SCP2: variants seen among roughly 807,000 people sequenced by gnomAD.
The protein encoded by SCP2 is sterol carrier protein 2.
Under a neutral mutation model 71.4 loss-of-function variants are expected in SCP2, and 48 were observed. That is an observed-to-expected ratio of 0.67 (90% CI 0.53 to 0.86). The LOEUF is 0.86. SCP2 is among the 40% of genes least tolerant of loss of function. SCP2 has a pLI of 0.00. For missense variants in SCP2, 560 were observed against 655.6 expected (o/e 0.85, Z 1.59); for synonymous variants, 220 against 218.1 (o/e 1.01, Z -0.08).
chr1:52,967,929 C>T (rs1029116657), intron 6 of SCP2, among the ~76,000 whole-genome samples: 22 of 152,110 alleles, frequency 1.4e-4, no homozygotes, highest in African/African-American at 5.3e-4. Context: ...GTCAGTTTTC[C>T]AACATCCTGC....
intron 6 of SCP2, among the ~76,000 whole-genome samples, chr1:52,965,624 A>G (rs1357711990): frequency 6.6e-6 from 1 of 151,950 alleles, no homozygotes. Flanking sequence ...GCTTGTGTAT[A>G]CAAAGGCTAC....
Position 52,950,763 on chromosome 1 carries a change from A to G in SCP2, c.208A>G (p.Thr70Ala), listed in dbSNP as rs765103479. 2 of 1,613,486 alleles carry G rather than the reference A, an allele frequency of 1.2e-6. No homozygotes were observed. The highest frequency in any genetic ancestry group is 8.5e-7 in the Non-Finnish European group (1 of 1,179,480). ...TTTGTTTTTCTATTCAGGTGACTCT[A>G]CCTGTGGGCAGAGGGCTATCTATCA... ...ACVGYVFGDSTCGQRAIYHSL... is the reference protein window; with the variant it reads ...ACVGYVFGDSACGQRAIYHSL... Residue 70 changes from threonine (T) to alanine (A), a missense_variant, in exon 4 of 16, where the codon ACC (threonine) becomes GCC (alanine). Thr to Ala is a moderately conservative substitution (Grantham distance 58). Transcript: ENST00000371514.
chr1:53,023,398 T>C (rs574594191), intron 12 of SCP2, among the ~76,000 whole-genome samples: 15 of 152,302 alleles, frequency 9.8e-5, no homozygotes, highest in African/African-American at 3.6e-4. Context: ...ATTCAGACTT[T>C]TGACCAAGAC....
intron 11 of SCP2, among the ~76,000 whole-genome samples, chr1:52,992,952 G>A (rs929952868): frequency 1.3e-5 from 2 of 152,174 alleles, no homozygotes; most frequent in African/African-American, 4.8e-5. Context: ...GCATGTCTGT[G>A]TATATAGACA....
At chr1:53,011,796 T>C (rs1661005070) in intron 11 of SCP2, among the ~76,000 whole-genome samples, 1 of 152,230 alleles carries the variant, frequency 6.6e-6, no homozygotes, top group Non-Finnish European at 1.5e-5. Context: ...GCCCTCACCT[T>C]TCCGACATCT....
chr1:52,974,885 A>G, intron 7 of SCP2, 53 bp downstream of exon 7: 1 of 851,728 alleles, frequency 1.2e-6, no homozygotes, highest in Non-Finnish European at 2.1e-6. Flanking sequence ...CCTACTGTAT[A>G]ATATGCAACT....
chr1:53,024,335 G>C (rs1054595584), intron 12 of SCP2, among the ~76,000 whole-genome samples: 7 of 152,036 alleles, frequency 4.6e-5, no homozygotes, highest in Admixed American at 2.0e-4. Context: ...TCTTTAATGG[G>C]TAGAGTTTCA....
intron 13 of SCP2, among the ~76,000 whole-genome samples, chr1:53,036,380 A>G (rs1662954714): frequency 6.7e-6 from 1 of 150,170 alleles, no homozygotes; most frequent in Non-Finnish European, 1.5e-5. Context: ...TCATATCTAA[A>G]TATTTTTACA....
intron 10 of SCP2, among the ~76,000 whole-genome samples, chr1:52,984,425 C>T (rs1405896962): frequency 6.6e-6 from 1 of 151,904 alleles, no homozygotes; most frequent in Non-Finnish European, 1.5e-5. Context: ...CCAGTGTTTT[C>T]AGTTGTAATC....
chr1:52,984,393 TTTTTTA>T (rs1658786628), intron 10 of SCP2, among the ~76,000 whole-genome samples: 1 of 152,170 alleles, frequency 6.6e-6, no homozygotes, highest in Admixed American at 6.5e-5. Context: ...TCAGGCAGTT[TTTTTTA>T]TTTTTATTTT....
At chr1:52,981,290 G>T (rs1305683728) in intron 10 of SCP2, among the ~76,000 whole-genome samples, 1 of 152,082 alleles carries the variant, frequency 6.6e-6, no homozygotes. Context: ...CTGGAGTGTC[G>T]AAACCTGTGC....
At chr1:53,030,916 A>T (rs1404763483) in intron 13 of SCP2, among the ~76,000 whole-genome samples, 1 of 151,588 alleles carries the variant, frequency 6.6e-6, no homozygotes. Context: ...ATTAAAAAAA[A>T]AAAAAAAAAA....
In SCP2 at chr1:53,050,774, C is replaced by G. The variant is rs114881358; in HGVS notation, c.*70C>G. On this transcript the variant is annotated 3_prime_UTR_variant, in exon 16 of 16. Transcript: ENST00000371514. ...GATATATATCCATACATTTTATTGT[C>G]AGAATTTAGACTGAAACTACACATT... 488 of 1,091,332 alleles carry G rather than the reference C, an allele frequency of 4.5e-4. 2 individuals are homozygous for G. In the African/African-American group the frequency reaches 6.9e-3, roughly 15 times the overall value. The allele number at this position is 1,091,332 out of a possible 1,614,324, so 67.6% of individuals were successfully genotyped here.
chr1:52,961,393 C>A, intron 5 of SCP2, 110 bp from the exon 6 acceptor site: 1 of 1,112,800 alleles, frequency 9.0e-7, no homozygotes, highest in Non-Finnish European at 1.3e-6. Flanking sequence ...TTGACAATTT[C>A]TGGTGTACTA....
intron 6 of SCP2, among the ~76,000 whole-genome samples, chr1:52,964,443 G>A (rs1027314471): frequency 1.1e-4 from 17 of 151,600 alleles, no homozygotes; most frequent in Admixed American, 3.3e-4. Flanking sequence ...CTCGTGATCC[G>A]CCCAACTCAG....
intron 11 of SCP2, chr1:52,994,010 T>C: frequency 8.2e-7 from 1 of 1,215,312 alleles, no homozygotes; most frequent in Non-Finnish European, 1.0e-6. Flanking sequence ...AGAAAATTTG[T>C]TTTCTAGCGT....
In SCP2 at chr1:52,950,774, G is replaced by A. The variant is rs1262243674; in HGVS notation, c.219G>A (p.Gln73=). The A allele has an allele frequency of 6.2e-7, 1 of 1,613,624 alleles. No homozygotes were observed. Among genetic ancestry groups the A allele is most frequent in the East Asian group, 2.2e-5 (1 of 44,874 alleles). The change falls in exon 4 of 16, where the codon CAG becomes CAA. Residue 73 remains glutamine (Q), a synonymous_variant. Transcript: ENST00000371514. ...GYVFGDSTCG[Q]RAIYHSLGMT... is the part of the protein sequence containing the mutation. ...ATTCAGGTGACTCTACCTGTGGGCA[G>A]AGGGCTATCTATCACAGTTTGGGAA...
chr1:53,014,462 A>C (rs567661958), intron 11 of SCP2, among the ~76,000 whole-genome samples: 2 of 152,254 alleles, frequency 1.3e-5, no homozygotes, highest in South Asian at 4.1e-4. Flanking sequence ...ATATCTGTGA[A>C]TAGGTCTGGA....
chr1:52,975,305 C>T (rs910693906), intron 7 of SCP2, among the ~76,000 whole-genome samples: 3 of 152,108 alleles, frequency 2.0e-5, no homozygotes, highest in Non-Finnish European at 2.9e-5. Context: ...CTCAGCCTCC[C>T]GAGTAGCTGG....
Sources: gnomAD v4.1 joint callset for allele counts (sites outside exome capture counted in the v4.1 genomes callset) on GRCh38, gnomAD v4.1.1 for gene constraint, MANE v1.5 for transcripts, NCBI Gene and HGNC (gene_info 2026-07-23, HGNC 2026-07-21) for gene names.